Variants in RIMBP2 observed in about 807,000 individuals in gnomAD.
The protein encoded by RIMBP2 is RIMS binding protein 2, also known as RIMS-binding protein 2.
RIMBP2 carries 48 observed loss-of-function variants against 118.6 expected under a neutral mutation model. That is an observed-to-expected ratio of 0.40 (90% CI 0.32 to 0.51). The LOEUF is 0.51. RIMBP2 is among the 20% of genes least tolerant of loss of function. RIMBP2 has a pLI of 0.41. For missense variants in RIMBP2, 1,551 were observed against 1,768.3 expected (o/e 0.88, Z 2.20); for synonymous variants, 762 against 742.9 (o/e 1.03, Z -0.42).
In RIMBP2 at chr12:130,470,683, C is replaced by A; in HGVS notation, c.153+10G>T. Reference sequence around the variant, plus strand: ...CACCCCCGGGCAGAAAGCAGGGGCACGCTCCTTACCTCTAGCAGCCGCACT... The same window carrying A: ...CACCCCCGGGCAGAAAGCAGGGGCAAGCTCCTTACCTCTAGCAGCCGCACT... On this transcript the variant is annotated intron_variant, in intron 6 of 22. Coordinates refer to ENST00000690449, the MANE Select transcript of RIMBP2 (RefSeq NM_001393629.1). 3 of 1,231,450 alleles carry A rather than the reference C, an allele frequency of 2.4e-6. No individual in the cohort carries two copies. Among genetic ancestry groups the A allele is most frequent in the Non-Finnish European group, 3.0e-6 (3 of 987,392 alleles). The allele number at this position is 1,231,450 out of a possible 1,614,324, so 76.3% of individuals were successfully genotyped here.
intron 4 of RIMBP2, among the ~76,000 whole-genome samples, chr12:130,500,088 T>C (rs2049594570): frequency 6.6e-6 from 1 of 152,230 alleles, no homozygotes; most frequent in African/African-American, 2.4e-5. Flanking sequence ...AAAATCTGTA[T>C]ATCTGGACAT....
intron 2 of RIMBP2, among the ~76,000 whole-genome samples, chr12:130,610,763 T>C (rs973486898): frequency 8.6e-5 from 13 of 151,706 alleles, no homozygotes; most frequent in African/African-American, 3.1e-4. Context: ...GGTTTCACCG[T>C]GTTAGCCAGG....
At chr12:130,693,578 G>A (rs1313717819) in intron 1 of RIMBP2, among the ~76,000 whole-genome samples, 1 of 152,176 alleles carries the variant, frequency 6.6e-6, no homozygotes. Context: ...ACTGGGAGAG[G>A]AGAGCAGGTG....
intron 10 of RIMBP2, among the ~76,000 whole-genome samples, chr12:130,444,076 T>C (rs1049392098): frequency 2.6e-5 from 4 of 152,186 alleles, no homozygotes; most frequent in African/African-American, 9.7e-5. Flanking sequence ...GTGGGCTCCA[T>C]GTGTGGTGAG....
chr12:130,535,994 G>A (rs1324462031), intron 2 of RIMBP2, among the ~76,000 whole-genome samples: 1 of 151,934 alleles, frequency 6.6e-6, no homozygotes, highest in African/African-American at 2.4e-5. Context: ...TCACCAAGTT[G>A]CCCAGGCTGG....
intron 2 of RIMBP2, among the ~76,000 whole-genome samples, chr12:130,609,463 G>A (rs372044554): frequency 2.0e-5 from 3 of 150,822 alleles, no homozygotes; most frequent in East Asian, 3.9e-4. Flanking sequence ...GAGGAGAACT[G>A]AGCCACCTGG....
At chr12:130,656,597 C>T (rs1422994816) in intron 1 of RIMBP2, among the ~76,000 whole-genome samples, 1 of 152,154 alleles carries the variant, frequency 6.6e-6, no homozygotes, top group Admixed American at 6.5e-5. Flanking sequence ...CCCCTGACTC[C>T]TGGCAGCCTC....
intron 1 of RIMBP2, among the ~76,000 whole-genome samples, chr12:130,715,554 G>T (rs535980052): frequency 4.8e-4 from 73 of 152,314 alleles, no homozygotes; most frequent in Admixed American, 1.7e-3. Context: ...TCTGCCCCCG[G>T]CCAGCAGCCC....
rs2078949667 is a variant in RIMBP2 at position 130,450,915 on chromosome 12, T to C, written c.504+280A>G. 6.6e-6 allele frequency among the ~76,000 whole-genome samples: 1 copy of C among 152,150 alleles called. No individual in the cohort carries two copies. The highest frequency in any genetic ancestry group is 2.4e-5 in the African/African-American group (1 of 41,424). On this transcript the variant is annotated intron_variant, in intron 8 of 22. Transcript: ENST00000690449. This position sits in a 1 kb window ranked among gnomAD's most constrained non-coding sequence, Gnocchi z 4.8. ...CTGCGTCAACAGCCTTGCTGCGTCA[T>C]CCTTGCACCCCTCGATGGGATTTGC...
intron 1 of RIMBP2, among the ~76,000 whole-genome samples, chr12:130,677,781 G>T (rs745576788): frequency 1.3e-5 from 2 of 152,198 alleles, no homozygotes; most frequent in African/African-American, 4.8e-5. Flanking sequence ...GACCACTGTG[G>T]CAATTTCCAC....
At chr12:130,401,905 C>G (rs12828707) in intron 21 of RIMBP2, among the ~76,000 whole-genome samples, 5 of 152,132 alleles carry the variant, frequency 3.3e-5, no homozygotes, top group African/African-American at 1.2e-4. Flanking sequence ...ATGCACACAT[C>G]TCCGCTGGTG....
chr12:130,552,133 T>A (rs112834767), intron 2 of RIMBP2, among the ~76,000 whole-genome samples: 43 of 152,300 alleles, frequency 2.8e-4, no homozygotes, highest in African/African-American at 1.0e-3. Context: ...AGACATAAAA[T>A]CAATAAGAGA....
chr12:130,431,499 T>C lies in RIMBP2; in HGVS notation c.2254-3162A>G, dbSNP rs945692597. On this transcript the variant is annotated intron_variant, in intron 14 of 22. Coordinates refer to ENST00000690449, the MANE Select transcript of RIMBP2 (RefSeq NM_001393629.1). This position sits in a 1 kb window ranked among gnomAD's most constrained non-coding sequence, Gnocchi z 4.0. ...GAATTGAATCAATATTTAACGTTAC[T>C]TTTAAAGAAAATATCTCAACTGTAA... 2.7e-5 allele frequency: 9 copies of C among 338,800 alleles called. No individual in the cohort carries two copies. The East Asian group carries it at 7.7e-4, about 29-fold the overall frequency. The allele number at this position is 338,800 out of a possible 1,614,324, so 21.0% of individuals were successfully genotyped here.
Position 130,428,058 on chromosome 12 carries a change from C to A in RIMBP2, c.2412+121G>T, listed in dbSNP as rs77060596. The stretch of plus-strand genomic sequence containing the variant: ...AGTGAGAAAGAAGCGAATCCAAATC[C>A]GAGGGCTACTGGTTGTAGGGCAAGG... On this transcript the variant is annotated intron_variant, in intron 15 of 22. Coordinates refer to ENST00000690449, the MANE Select transcript of RIMBP2 (RefSeq NM_001393629.1). 6.8e-6 allele frequency: 6 copies of A among 884,094 alleles called. No individual in the cohort carries two copies. The East Asian group carries it at 1.7e-4, about 25-fold the overall frequency. 54.8% of individuals were successfully genotyped at this position (884,094 alleles called of 1,614,324 possible).
rs1419404061 is a variant in RIMBP2, at chr12:130,649,243, C to CAGTCTTACT, written c.-351-20788_-351-20787insAGTAAGACT. ...GCCAGCCTCTAGGCCAAGTAAGGCG[C>CAGTCTTACT]TGGAATGTGGGGCTTGCTGCGACGT... On this transcript the variant is annotated intron_variant, in intron 1 of 22. Transcript: ENST00000690449. Among the ~76,000 whole-genome samples the CAGTCTTACT allele has an allele frequency of 1.3e-4, 15 of 113,808 alleles. 1 individual carries two copies. The highest frequency in any genetic ancestry group is 4.4e-4 in the Admixed American group (5 of 11,294). The allele number at this position is 113,808 out of a possible 152,430, so 74.7% of individuals were successfully genotyped here.
intron 15 of RIMBP2, chr12:130,426,129 G>A (rs1229528130): frequency 2.0e-5 from 3 of 152,442 alleles, no homozygotes; most frequent in Non-Finnish European, 2.9e-5. Flanking sequence ...GCCAGCGGGG[G>A]CCGAACATCT....
chr12:130,461,108 A>C (rs958679721), intron 6 of RIMBP2, among the ~76,000 whole-genome samples: 1 of 152,060 alleles, frequency 6.6e-6, no homozygotes, highest in Non-Finnish European at 1.5e-5. Context: ...CCGTGACACT[A>C]GGGGTCACAT....
chr12:130,567,793 G>A (rs1053250762), intron 2 of RIMBP2, among the ~76,000 whole-genome samples: 3 of 152,148 alleles, frequency 2.0e-5, no homozygotes, highest in African/African-American at 7.2e-5. Flanking sequence ...CTTGCAGGGG[G>A]AGCCACTCGG....
At chr12:130,531,949 GTACGTCTAATGA>G (rs2053432827) in intron 2 of RIMBP2, among the ~76,000 whole-genome samples, 1 of 130,492 alleles carries the variant, frequency 7.7e-6, no homozygotes, top group Admixed American at 7.6e-5. Flanking sequence ...CCTCTAGGAG[GTACGTCTAATGA>G]GATGCGTATG....
Sources: allele counts gnomAD v4.1 joint callset (sites outside exome capture counted in the v4.1 genomes callset), GRCh38; gene constraint gnomAD v4.1.1; non-coding constraint Gnocchi (gnomAD v3.1); transcripts MANE v1.5; gene names NCBI Gene and HGNC (gene_info 2026-07-23, HGNC 2026-07-21).